SMARCC2: variants seen among roughly 807,000 people sequenced by gnomAD.
SMARCC2 encodes the protein SWI/SNF complex subunit SMARCC2.
Under a neutral mutation model 151.3 loss-of-function variants are expected in SMARCC2, and 15 were observed. That is an observed-to-expected ratio of 0.10 (90% CI 0.07 to 0.15). SMARCC2 has a LOEUF of 0.15. SMARCC2 is among the 10% of genes least tolerant of loss of function. SMARCC2 has a pLI of 1.00. For synonymous variants in SMARCC2, 590 were observed against 609.5 expected, an observed-to-expected ratio of 0.97 and a Z score of 0.47; for missense variants, 1,031 against 1,599.7, an observed-to-expected ratio of 0.64 and a Z score of 6.06.
chr12:56,167,908 A>ACAC, intron 26 of SMARCC2, 152 bp downstream of exon 26: 1 of 845,608 alleles, frequency 1.2e-6, no homozygotes, highest in East Asian at 2.6e-5. Flanking sequence ...ACACACACAC[A>ACAC]CACTCAGGCT....
At chr12:56,167,910 A>ACACACACACACACACACT (rs1235804084) in intron 26 of SMARCC2, 150 bp downstream of exon 26, 1 of 858,710 alleles carries the variant, frequency 1.2e-6, no homozygotes, top group African/African-American at 1.8e-5. Context: ...ACACACACAC[A>ACACACACACACACACACT]CTCAGGCTTT....
In SMARCC2 at chr12:56,187,234, C is replaced by G; in HGVS notation, c.184G>C (p.Glu62Gln). 1.2e-6 allele frequency: 2 copies of G among 1,614,034 alleles called. No individual in the cohort carries two copies. The highest frequency in any genetic ancestry group is 1.7e-6 in the Non-Finnish European group (2 of 1,179,954). The change falls in exon 2 of 29, where the codon GAA (glutamate) becomes CAA (glutamine). Residue 62 changes from glutamate (E) to glutamine (Q), a missense_variant. Around this residue, in one of 12 missense-constraint regions of SMARCC2, gnomAD observed 14 missense variants for 45.4 expected, o/e 0.31. Coordinates refer to ENST00000550164, the MANE Select transcript of SMARCC2 (RefSeq NM_001330288.2). ...TTGCTGACATGTTTGCCAAAAACTTCTTCCTGAAATTGTAGCAACTGTACA... is the reference window on the plus strand; with the variant it reads ...TTGCTGACATGTTTGCCAAAAACTTGTTCCTGAAATTGTAGCAACTGTACA... ...LVVQLLQFQE[E>Q]VFGKHVSNAP...
chr12:56,189,255 G>T, intron 1 of SMARCC2, 96 bp downstream of exon 1: 2 of 608,392 alleles, frequency 3.3e-6, no homozygotes, highest in Non-Finnish European at 2.5e-6. Context: ...GGGAGGGGCT[G>T]GGGCGCCTGG....
chr12:56,184,752 A>G, intron 5 of SMARCC2, 92 bp downstream of exon 5: 1 of 774,742 alleles, frequency 1.3e-6, no homozygotes, highest in Non-Finnish European at 2.2e-6. Context: ...CTGAAGCAGA[A>G]AACATGGTAA....
intron 15 of SMARCC2, among the ~76,000 whole-genome samples, chr12:56,175,966 C>A (rs963260215): frequency 1.3e-5 from 2 of 152,056 alleles, no homozygotes; most frequent in African/African-American, 4.8e-5. Context: ...TCAAGTGATT[C>A]TCCTGCCTCA....
chr12:56,186,127 A>G (rs570790571), intron 3 of SMARCC2, 28 bp downstream of exon 3: 4 of 1,451,948 alleles, frequency 2.8e-6, no homozygotes, highest in East Asian at 2.3e-5. Context: ...TAAACTAAAT[A>G]TAAGAAGAAT....
chr12:56,184,227 A>G lies in SMARCC2; in HGVS notation c.510T>C (p.Asp170=). Residue 170 remains aspartate (D), a synonymous_variant, in exon 6 of 29, where the codon GAT becomes GAC. Transcript: ENST00000550164. ...IKRHQGTVTE[D]KNNASHVVYP... is the part of the protein sequence containing the mutation. Reference sequence around the variant, plus strand: ...ACACAACATGGGAGGCATTGTTCTTATCCTCAGTGACTGTTCCCTGGATGG... The same window carrying G: ...ACACAACATGGGAGGCATTGTTCTTGTCCTCAGTGACTGTTCCCTGGATGG... 1 of 1,613,228 alleles carries G rather than the reference A, an allele frequency of 6.2e-7. No homozygotes were observed. Among genetic ancestry groups the G allele is most frequent in the Non-Finnish European group, 8.5e-7 (1 of 1,179,368 alleles).
chr12:56,177,237 C>T (rs1592304053), intron 15 of SMARCC2, among the ~76,000 whole-genome samples: 1 of 152,190 alleles, frequency 6.6e-6, no homozygotes, highest in African/African-American at 2.4e-5. Flanking sequence ...AGCCACCACA[C>T]CCAGCCTTGT....
intron 11 of SMARCC2, among the ~76,000 whole-genome samples, chr12:56,180,419 T>C (rs1460050679): frequency 7.6e-6 from 1 of 131,462 alleles, no homozygotes; most frequent in African/African-American, 2.9e-5. Flanking sequence ...CTTTTTTTTT[T>C]TGAGATGGAG....
chr12:56,173,048 C>T lies in SMARCC2; in HGVS notation c.1651-19G>A, dbSNP rs773173814. The T allele has an allele frequency of 1.9e-5, 31 of 1,611,962 alleles. No individual in the cohort carries two copies. The highest frequency in any genetic ancestry group is 2.4e-5 in the Non-Finnish European group (28 of 1,178,582). On this transcript the variant is annotated intron_variant, in intron 17 of 28. Transcript: ENST00000550164. ...GGCGGCCCTGGGGGACAGAGCTTGG[C>T]GTCATGGAGGCTGGGCAGGAAATGA...
chr12:56,188,233 T>C (rs1328572689), intron 1 of SMARCC2, among the ~76,000 whole-genome samples: 2 of 152,028 alleles, frequency 1.3e-5, no homozygotes, highest in Non-Finnish European at 2.9e-5. Flanking sequence ...AGGTCAAAGG[T>C]AGAAGCCTGG....
rs1876788376 is a variant in SMARCC2 at position 56,184,120 on chromosome 12, T to A, written c.562+55A>T. On this transcript the variant is annotated intron_variant, in intron 6 of 28. Coordinates refer to ENST00000550164, the MANE Select transcript of SMARCC2 (RefSeq NM_001330288.2). ...AGGTACTGAATGGTGATCTTAGTCC[T>A]CTGCCTCCTAGTCCAAACCATCCAC... is the stretch of plus-strand genomic sequence containing the variant. 15 of 1,350,432 alleles carry A rather than the reference T, an allele frequency of 1.1e-5. No individual in the cohort carries two copies. The South Asian group carries it at 1.8e-4, about 16-fold the overall frequency. The allele number at this position is 1,350,432 out of a possible 1,614,324, so 83.7% of individuals were successfully genotyped here.
At chr12:56,188,841 A>G (rs1027205216) in intron 1 of SMARCC2, among the ~76,000 whole-genome samples, 19 of 152,098 alleles carry the variant, frequency 1.2e-4, no homozygotes, top group African/African-American at 4.6e-4. Flanking sequence ...GACCTTTTTC[A>G]GGCTGATGAG....
At position 56,185,102 on chromosome 12, in the gene SMARCC2, G is replaced by A. The variant is rs1430827465; in HGVS notation, c.327C>T (p.Tyr109=). 13 of 1,613,704 alleles carry A rather than the reference G, an allele frequency of 8.1e-6. No homozygotes were observed. The highest frequency in any genetic ancestry group is 1.3e-5 in the African/African-American group (1 of 74,912). ...CCATGCGTGATGGATTCTGGAAATC[G>A]TAACGCCGCCTTGTGAAGAGGCAAT... The part of the protein sequence containing the change: ...KFKSDQGWRR[Y]DFQNPSRMDR... The change falls in exon 4 of 29, where the codon TAC becomes TAT. Residue 109 remains tyrosine (Y), a synonymous_variant. Coordinates refer to ENST00000550164, the MANE Select transcript of SMARCC2 (RefSeq NM_001330288.2).
chr12:56,162,545 C>A lies in SMARCC2; in HGVS notation c.*1144G>T, dbSNP rs746757371. On this transcript the variant is annotated 3_prime_UTR_variant, in exon 29 of 29. Coordinates refer to ENST00000550164, the MANE Select transcript of SMARCC2 (RefSeq NM_001330288.2). ...AACCAGTGCAGAGCCTGGAGTCACA[C>A]CTGCCTTCCCGTCACAGGGGAGAAG... The A allele has an allele frequency of 2.0e-6, 1 of 501,328 alleles. No homozygotes were observed. Among genetic ancestry groups the A allele is most frequent in the East Asian group, 3.2e-5 (1 of 31,112 alleles). The allele number at this position is 501,328 out of a possible 1,614,324, so 31.1% of individuals were successfully genotyped here. A position where few individuals can be genotyped will look rare whatever the true frequency, so the allele number is the denominator to read the frequency against.
chr12:56,170,451 G>T (rs969015902), intron 22 of SMARCC2, among the ~76,000 whole-genome samples: 2 of 151,822 alleles, frequency 1.3e-5, no homozygotes, highest in Non-Finnish European at 2.9e-5. Flanking sequence ...TTGTGACAGG[G>T]TCTCACTCTT....
intron 2 of SMARCC2, 59 bp from the exon 3 acceptor site, chr12:56,186,299 C>T: frequency 1.0e-6 from 1 of 957,118 alleles, no homozygotes; most frequent in Non-Finnish European, 1.7e-6. Flanking sequence ...TCTCTCATCA[C>T]TTAATAATCT....
rs1437708501 is a variant in SMARCC2 at position 56,164,702 on chromosome 12, G to A, written c.3262C>T (p.Pro1088Ser). ...GPSPFPNQQT[P>S]PSMMPGAVPG... ...ACTGCCCCTGGCATCATTGAGGGAG[G>A]AGTTTGTTGGTTGGGGAACGGTGAG... Residue 1088 changes from proline (P) to serine (S), a missense_variant, in exon 28 of 29, where the codon CCT becomes TCT. Around this residue, in one of 12 missense-constraint regions of SMARCC2, gnomAD observed 310 missense variants for 350.0 expected, o/e 0.89. Transcript: ENST00000550164. The A allele has an allele frequency of 6.2e-7, 1 of 1,611,098 alleles. No individual in the cohort carries two copies. Among genetic ancestry groups the A allele is most frequent in the South Asian group, 1.1e-5 (1 of 90,594 alleles).
intron 26 of SMARCC2, 142 bp from the exon 27 acceptor site, chr12:56,165,841 C>A (rs763322914): frequency 1.3e-6 from 1 of 786,962 alleles, no homozygotes; most frequent in Non-Finnish European, 2.1e-6. Flanking sequence ...GCTTGTGCTC[C>A]CTCTGTCCTC....
Sources: allele counts gnomAD v4.1 joint callset (sites outside exome capture counted in the v4.1 genomes callset), GRCh38; gene constraint gnomAD v4.1.1; regional missense constraint gnomAD v4.1.1; transcripts MANE v1.5; gene names NCBI Gene and HGNC (gene_info 2026-07-23, HGNC 2026-07-21).